Variants in GDPD3 observed in about 807,000 individuals in gnomAD.
The protein encoded by GDPD3 is lysophospholipase D GDPD3.
In GDPD3, 40 loss-of-function variants were observed where a neutral mutation model predicts 43.7. That is an observed-to-expected ratio of 0.91 (90% CI 0.71 to 1.19). GDPD3 has a LOEUF of 1.19. Among genes scored for constraint, GDPD3 ranks in the 50% most tolerant of loss-of-function variants. The pLI, the probability that GDPD3 is intolerant of heterozygous loss-of-function variation, is 0.00. For synonymous variants in GDPD3, 145 were observed against 162.9 expected (o/e 0.89, Z 0.84); for missense variants, 363 against 415.8 (o/e 0.87, Z 1.11).
rs201511312 is a variant in GDPD3 at position 30,112,744 on chromosome 16, G to C, written c.232C>G (p.Arg78Gly). ...DLLELDCQLT[R>G]DRVVVVSHDE... ...TGTGACACCACCACCACTCTGTCCC[G>C]TGTCAGCTGACAGTCGAGCTCCAGG... Residue 78 changes from arginine (R) to glycine (G), a missense_variant, in exon 3 of 10, where the codon CGG becomes GGG. Transcript: ENST00000406256. This position sits in a 1 kb window ranked among gnomAD's most constrained non-coding sequence, Gnocchi z 5.4. The C allele has an allele frequency of 5.2e-4, 832 of 1,613,018 alleles. 20 individuals carry two copies. The South Asian group carries it at 9.0e-3, about 17-fold the overall frequency.
chr16:30,112,112 G>A lies in GDPD3; in HGVS notation c.573+20C>T, dbSNP rs943348799. 6.2e-7 allele frequency: 1 copy of A among 1,600,862 alleles called. No individual in the cohort carries two copies. Among genetic ancestry groups the A allele is most frequent in the Non-Finnish European group, 8.6e-7 (1 of 1,168,846 alleles). The stretch of plus-strand genomic sequence containing the variant: ...GCCCCTGGAGGAGGAAGAGGACGGG[G>A]GAGGGGTGGGGGGACTCACGGCAGC... On this transcript the variant is annotated intron_variant, in intron 6 of 9. Transcript: ENST00000406256. The surrounding 1 kb of genome is among the most constrained non-coding windows in gnomAD (Gnocchi z 5.4).
chr16:30,111,302 C>G, intron 7 of GDPD3, 86 bp downstream of exon 7: 1 of 1,455,154 alleles, frequency 6.9e-7, no homozygotes, highest in Admixed American at 2.0e-5. Context: ...CTGAGGGGAG[C>G]TGGGGAGCTG....
At position 30,112,661 on chromosome 16, in the gene GDPD3, G is replaced by A. The variant is rs754609869; in HGVS notation, c.315C>T (p.Phe105=). Residue 105 remains phenylalanine (F), a synonymous_variant, in exon 3 of 10, where the codon TTC becomes TTT. Coordinates refer to ENST00000406256, the MANE Select transcript of GDPD3 (RefSeq NM_024307.3). This position sits in a 1 kb window ranked among gnomAD's most constrained non-coding sequence, Gnocchi z 5.4. The stretch of plus-strand genomic sequence containing the variant: ...GGGGTGTCAGGGCAGGGCCCACCTC[G>A]AAGTCCAGGCTGCCCACATCCCTGT... ...GLNRDVGSLD[F]EDLPLYKEKL... The A allele has an allele frequency of 6.2e-6, 10 of 1,614,070 alleles. No homozygotes were observed. In the Admixed American group the frequency reaches 8.3e-5, roughly 13 times the overall value.
At chr16:30,105,661 C>T (rs574377664) in intron 9 of GDPD3, among the ~76,000 whole-genome samples, 4 of 150,442 alleles carry the variant, frequency 2.7e-5, no homozygotes, top group Non-Finnish European at 3.0e-5. Flanking sequence ...TCCGCCACCA[C>T]GCCCAGCTAA....
intron 7 of GDPD3, among the ~76,000 whole-genome samples, chr16:30,110,091 T>TG (rs2072888476): frequency 6.6e-6 from 1 of 152,096 alleles, no homozygotes; most frequent in African/African-American, 2.4e-5. Flanking sequence ...TTATACCTCC[T>TG]GGGGGTGCTG....
In GDPD3 at chr16:30,113,023, T is replaced by TCTCCATGGC. The variant is rs755824594; in HGVS notation, c.172_180dup (p.Ala58_Glu60dup). ...CTGGGCAGGGGCAGATACACTCACT[T>TCTCCATGGC]CTCCATGGCCTCCATGGTGTTCTCC... is the stretch of plus-strand genomic sequence containing the variant. On this transcript the variant is annotated inframe_insertion and splice_region_variant, in exon 2 of 10. Transcript: ENST00000406256. This position sits in a 1 kb window ranked among gnomAD's most constrained non-coding sequence, Gnocchi z 5.9. The TCTCCATGGC allele has an allele frequency of 2.4e-5, 38 of 1,613,104 alleles. No homozygotes were observed. In the African/African-American group the frequency reaches 3.5e-4, roughly 15 times the overall value.
rs748694485 is a variant in GDPD3, at chr16:30,112,266, A to T, written c.483+40T>A. The T allele has an allele frequency of 8.7e-6, 14 of 1,612,780 alleles. No homozygotes were observed. Among genetic ancestry groups the T allele is most frequent in the Non-Finnish European group, 1.2e-5 (14 of 1,178,908 alleles). Reference sequence around the variant, plus strand: ...GTGAAGGGAGAGCCAGGCCTCTCTCACGCCCCCGGTGGCCGCCCTAGCCCT... The same window carrying T: ...GTGAAGGGAGAGCCAGGCCTCTCTCTCGCCCCCGGTGGCCGCCCTAGCCCT... On this transcript the variant is annotated intron_variant, in intron 5 of 9. Coordinates refer to ENST00000406256, the MANE Select transcript of GDPD3 (RefSeq NM_024307.3). The surrounding 1 kb of genome is among the most constrained non-coding windows in gnomAD (Gnocchi z 5.4).
chr16:30,109,054 T>A (rs1447336526), intron 7 of GDPD3, among the ~76,000 whole-genome samples: 1 of 151,976 alleles, frequency 6.6e-6, no homozygotes, highest in Non-Finnish European at 1.5e-5. Flanking sequence ...ATGGTCTCGA[T>A]CTCCTGACTT....
rs563443473 is a variant in GDPD3, at chr16:30,109,037, A to C, written c.708-605T>G. Among the ~76,000 whole-genome samples, 4 of 152,080 alleles carry C rather than the reference A, an allele frequency of 2.6e-5. 1 individual carries two copies. Among genetic ancestry groups the C allele is most frequent in the South Asian group, 4.1e-4 (2 of 4,830 alleles). On this transcript the variant is annotated intron_variant, in intron 7 of 9. Coordinates refer to ENST00000406256, the MANE Select transcript of GDPD3 (RefSeq NM_024307.3). ...AGTAGAGACAGGGTTTCACCCTGTT[A>C]GCCAGGATGGTCTCGATCTCCTGAC...
In GDPD3 at chr16:30,112,806, AG is replaced by A. The variant is rs767055474; in HGVS notation, c.183-14del. The A allele has an allele frequency of 6.2e-7, 1 of 1,603,786 alleles. No individual in the cohort carries two copies. The highest frequency in any genetic ancestry group is 1.1e-5 in the South Asian group (1 of 91,032). Reference sequence around the variant, plus strand: ...CTGGGCCATGGAGCTGTGGGGGTGAAGGTCAGCGGGGGGCAGGGGCAGGGGA... The same window carrying A: ...CTGGGCCATGGAGCTGTGGGGGTGAAGTCAGCGGGGGGCAGGGGCAGGGGA... On this transcript the variant is annotated splice_polypyrimidine_tract_variant and intron_variant, in intron 2 of 9. Coordinates refer to ENST00000406256, the MANE Select transcript of GDPD3 (RefSeq NM_024307.3). The surrounding 1 kb of genome is among the most constrained non-coding windows in gnomAD (Gnocchi z 5.4).
intron 6 of GDPD3, 23 bp from the exon 7 acceptor site, chr16:30,111,544 G>T (rs760119788): frequency 6.2e-7 from 1 of 1,613,002 alleles, no homozygotes; most frequent in African/African-American, 1.3e-5. Flanking sequence ...GGAGAGGCAT[G>T]AGAATCTGTC....
Position 30,113,426 on chromosome 16 carries a change from AGCATGGCATAGCTGCCCAGGGCAGGGAGG to A in GDPD3, c.24_52del (p.Pro10HisfsTer68). On this transcript the variant is annotated frameshift_variant, in exon 1 of 10. Transcript: ENST00000406256. LOFTEE classifies it high-confidence loss of function. The surrounding 1 kb of genome is among the most constrained non-coding windows in gnomAD (Gnocchi z 5.9). ...AGGCCGGCGCAGGAAGAAGATGGAG[AGCATGGCATAGCTGCCCAGGGCAGGGAGG>A]GCATAGTACAGCAAAAGGCTCATGA... 1 of 1,610,962 alleles carries A rather than the reference AGCATGGCATAGCTGCCCAGGGCAGGGAGG, an allele frequency of 6.2e-7. No homozygotes were observed. Among genetic ancestry groups the A allele is most frequent in the Non-Finnish European group, 8.5e-7 (1 of 1,178,146 alleles).
In GDPD3 at chr16:30,112,819, G is replaced by A. The variant is rs1196345549; in HGVS notation, c.183-26C>T. 4.4e-6 allele frequency: 7 copies of A among 1,602,038 alleles called. No homozygotes were observed. The South Asian group carries it at 4.4e-5, about 10-fold the overall frequency. On this transcript the variant is annotated intron_variant, in intron 2 of 9. Coordinates refer to ENST00000406256, the MANE Select transcript of GDPD3 (RefSeq NM_024307.3). The surrounding 1 kb of genome is among the most constrained non-coding windows in gnomAD (Gnocchi z 5.4). ...CTGTGGGGGTGAAGGTCAGCGGGGG[G>A]CAGGGGCAGGGGACTGGGATGAGGG...
rs1177768987 is a variant in GDPD3 at position 30,111,535 on chromosome 16, G to C, written c.574-14C>G. 1 of 1,613,450 alleles carries C rather than the reference G, an allele frequency of 6.2e-7. No homozygotes were observed. Among genetic ancestry groups the C allele is most frequent in the East Asian group, 2.2e-5 (1 of 44,872 alleles). On this transcript the variant is annotated splice_polypyrimidine_tract_variant and intron_variant, in intron 6 of 9. Transcript: ENST00000406256. ...CATCTCGGGGTTCTGGGGAGGCAAG[G>C]AGAGGCATGAGAATCTGTCTGCTCT...
chr16:30,112,537 A>T lies in GDPD3; in HGVS notation c.350T>A (p.Val117Asp), dbSNP rs199833751. ...CTTGCTCTCACCTGGAGAGAAGTAAACCTCCAGCTTCTCCTTGTAGAGGGG... is the reference window on the plus strand; with the variant it reads ...CTTGCTCTCACCTGGAGAGAAGTAATCCTCCAGCTTCTCCTTGTAGAGGGG... Reference protein sequence around the residue: ...DLPLYKEKLEVYFSPGHFAHG... With the variant: ...DLPLYKEKLEDYFSPGHFAHG... The change falls in exon 4 of 10, where the codon GTT (valine) becomes GAT (aspartate). Residue 117 changes from valine to aspartate, a missense_variant. Transcript: ENST00000406256. This position sits in a 1 kb window ranked among gnomAD's most constrained non-coding sequence, Gnocchi z 5.4. The T allele has an allele frequency of 8.2e-5, 132 of 1,613,846 alleles. 1 individual carries two copies. The highest frequency in any genetic ancestry group is 8.5e-6 in the Non-Finnish European group (10 of 1,179,966).
At chr16:30,111,706 G>A in intron 6 of GDPD3, 185 bp from the exon 7 acceptor site, 2 of 616,314 alleles carry the variant, frequency 3.2e-6, no homozygotes, top group Non-Finnish European at 2.8e-6. Flanking sequence ...GCTGAGGCAG[G>A]TGGATCACCT....
chr16:30,107,979 G>A (rs2072871430), intron 9 of GDPD3: 1 of 325,162 alleles, frequency 3.1e-6, no homozygotes, highest in Non-Finnish European at 5.6e-6. Flanking sequence ...GACAGAGTGA[G>A]ACTCTTGACA....
Position 30,108,452 on chromosome 16 carries a change from G to C in GDPD3, c.708-20C>G, listed in dbSNP as rs764999473. 1 of 1,612,996 alleles carries C rather than the reference G, an allele frequency of 6.2e-7. No individual in the cohort carries two copies. Among genetic ancestry groups the C allele is most frequent in the Non-Finnish European group, 8.5e-7 (1 of 1,179,126 alleles). On this transcript the variant is annotated intron_variant, in intron 7 of 9. Coordinates refer to ENST00000406256, the MANE Select transcript of GDPD3 (RefSeq NM_024307.3). Reference sequence around the variant, plus strand: ...TAGGTCCTGCAGAGAGAAGGAAGTGGGGGTTAGCTCCTAGGGTCTCCCCTG... The same window carrying C: ...TAGGTCCTGCAGAGAGAAGGAAGTGCGGGTTAGCTCCTAGGGTCTCCCCTG...
Position 30,112,900 on chromosome 16 carries a change from G to GCAGGC in GDPD3, c.183-112_183-108dup, listed in dbSNP as rs2072915198. ...GAGAGCGGAGTTCGTGGCGGGATGT[G>GCAGGC]CAGGCCACCTCCAGGGGGCGCCAGT... On this transcript the variant is annotated intron_variant, in intron 2 of 9. Transcript: ENST00000406256. The surrounding 1 kb of genome is among the most constrained non-coding windows in gnomAD (Gnocchi z 5.4). The GCAGGC allele has an allele frequency of 6.7e-7, 1 of 1,484,924 alleles. No homozygotes were observed. Among genetic ancestry groups the GCAGGC allele is most frequent in the African/African-American group, 1.4e-5 (1 of 72,496 alleles). 92.0% of individuals were successfully genotyped at this position (1,484,924 alleles called of 1,614,324 possible).
Sources: gnomAD v4.1 joint callset for allele counts (sites outside exome capture counted in the v4.1 genomes callset) on GRCh38, gnomAD v4.1.1 for gene constraint, Gnocchi (gnomAD v3.1) non-coding constraint, MANE v1.5 for transcripts, NCBI Gene and HGNC (gene_info 2026-07-23, HGNC 2026-07-21) for gene names.